CLASP2: variants seen among roughly 807,000 people sequenced by gnomAD.
The protein encoded by CLASP2 is cytoplasmic linker associated protein 2.
In CLASP2, 47 loss-of-function variants were observed where a neutral mutation model predicts 194.4. The observed-to-expected ratio is 0.24, with a 90% CI of 0.19 to 0.31. The LOEUF (loss-of-function observed/expected upper bound fraction) is 0.31, where lower values mean the gene tolerates loss of function less well. Ranked by LOEUF, CLASP2 falls within the 10% of genes least tolerant of loss-of-function variation. CLASP2 has a pLI of 1.00. For missense variants in CLASP2, 1,445 were observed against 1,823.6 expected (o/e 0.79, Z 3.78); for synonymous variants, 619 against 633.5 (o/e 0.98, Z 0.34).
chr3:33,677,418 G>A (rs374623933), intron 6 of CLASP2, among the ~76,000 whole-genome samples: 1 of 151,560 alleles, frequency 6.6e-6, no homozygotes, highest in South Asian at 2.1e-4. Flanking sequence ...CATGGATGAA[G>A]TTGGAAATCA....
chr3:33,623,930 A>G (rs2077541233), intron 10 of CLASP2, among the ~76,000 whole-genome samples: 2 of 152,314 alleles, frequency 1.3e-5, no homozygotes, highest in African/African-American at 4.8e-5. Flanking sequence ...GAACAGGGAA[A>G]AACAGAAAGC....
chr3:33,622,393 G>A, intron 10 of CLASP2, 113 bp from the exon 11 acceptor site: 2 of 701,956 alleles, frequency 2.8e-6, no homozygotes, highest in Non-Finnish European at 4.2e-6. Context: ...CATATATAAT[G>A]TTTCATTACA....
intron 37 of CLASP2, among the ~76,000 whole-genome samples, chr3:33,510,076 T>C (rs116830343): frequency 0.012 from 1,891 of 152,318 alleles, 14 homozygotes; most frequent in Middle Eastern, 0.044. Context: ...GAAATTCTAA[T>C]ACAAGCTACA....
chr3:33,644,842 G>A lies in CLASP2; in HGVS notation c.777C>T (p.Ala259=). ...ATGTTTTAGGTGCAGGAACCTTGAA[G>A]GCTGATGCAGCTGATGATGGCCTAT... is the stretch of plus-strand genomic sequence containing the variant. ...DGNRPSSAAS[A]FKVPAPKTSG... The change falls in exon 8 of 39, where the codon GCC becomes GCT. Residue 259 remains alanine (A), a synonymous_variant. Coordinates refer to ENST00000682230, the MANE Select transcript of CLASP2 (RefSeq NM_001365631.1). 4 of 1,611,256 alleles carry A rather than the reference G, an allele frequency of 2.5e-6. No homozygotes were observed. Among genetic ancestry groups the A allele is most frequent in the Non-Finnish European group, 3.4e-6 (4 of 1,178,612 alleles).
At chr3:33,507,185 C>T (rs1469253592) in intron 37 of CLASP2, among the ~76,000 whole-genome samples, 1 of 152,174 alleles carries the variant, frequency 6.6e-6, no homozygotes, top group Non-Finnish European at 1.5e-5. Context: ...GATTTGCCTG[C>T]CTCAGCTTCC....
At chr3:33,709,543 G>C (rs998175064) in intron 1 of CLASP2, among the ~76,000 whole-genome samples, 1 of 152,126 alleles carries the variant, frequency 6.6e-6, no homozygotes, top group African/African-American at 2.4e-5. Context: ...GAACAGGTCA[G>C]ATGAAGAGAT....
At chr3:33,674,648 C>G (rs1243807550) in intron 6 of CLASP2, among the ~76,000 whole-genome samples, 2 of 152,040 alleles carry the variant, frequency 1.3e-5, no homozygotes, top group Non-Finnish European at 2.9e-5. Context: ...AATCCAGGAG[C>G]TGGTTTTTTG....
At chr3:33,672,492 G>A (rs1052541962) in intron 6 of CLASP2, among the ~76,000 whole-genome samples, 1 of 152,056 alleles carries the variant, frequency 6.6e-6, no homozygotes, top group African/African-American at 2.4e-5. Flanking sequence ...ACAAAGATGG[G>A]GAAAAAACAG....
At chr3:33,666,135 C>A (rs1335855580) in intron 6 of CLASP2, among the ~76,000 whole-genome samples, 1 of 152,048 alleles carries the variant, frequency 6.6e-6, no homozygotes, top group African/African-American at 2.4e-5. Flanking sequence ...ATAGTAAATC[C>A]CAAGTATAAC....
intron 7 of CLASP2, among the ~76,000 whole-genome samples, chr3:33,660,499 C>A (rs560210858): frequency 6.6e-6 from 1 of 152,092 alleles, no homozygotes; most frequent in African/African-American, 2.4e-5. Context: ...ACAACAAATC[C>A]TTTGGTTTCT....
At chr3:33,640,723 C>A (rs1057072749) in intron 8 of CLASP2, among the ~76,000 whole-genome samples, 2 of 151,902 alleles carry the variant, frequency 1.3e-5, no homozygotes, top group African/African-American at 4.8e-5. Context: ...AAAAGAGTAG[C>A]AGCCAAAATG....
chr3:33,573,540 A>G, intron 24 of CLASP2, 186 bp from the exon 25 acceptor site: 1 of 682,120 alleles, frequency 1.5e-6, no homozygotes, highest in Middle Eastern at 3.9e-4. Flanking sequence ...AAGTTAGTAG[A>G]AGGTAAAATA....
At chr3:33,671,425 G>C (rs1468316432) in intron 6 of CLASP2, among the ~76,000 whole-genome samples, 1 of 152,204 alleles carries the variant, frequency 6.6e-6, no homozygotes, top group Non-Finnish European at 1.5e-5. Context: ...GGAATTACCA[G>C]ACCAGGAATT....
In CLASP2 at chr3:33,543,550, G is replaced by C. The variant is rs778791777; in HGVS notation, c.3298-11C>G. ...ACTCCCCATGGAACTCTGATGAAGG[G>C]AGTCAAAGAAATATTAACATATTAC... On this transcript the variant is annotated splice_polypyrimidine_tract_variant and intron_variant, in intron 31 of 38. Transcript: ENST00000682230. 6.5e-7 allele frequency: 1 copy of C among 1,527,618 alleles called. No homozygotes were observed. Among genetic ancestry groups the C allele is most frequent in the East Asian group, 2.2e-5 (1 of 44,456 alleles). 94.6% of individuals were successfully genotyped at this position (1,527,618 alleles called of 1,614,324 possible).
rs188882677 is a variant in CLASP2 at position 33,709,866 on chromosome 3, T to C, written c.195+7942A>G. 4.6e-5 allele frequency among the ~76,000 whole-genome samples: 7 copies of C among 152,342 alleles called. No individual in the cohort carries two copies. The East Asian group carries it at 1.2e-3, about 25-fold the overall frequency. On this transcript the variant is annotated intron_variant, in intron 1 of 38. Coordinates refer to ENST00000682230, the MANE Select transcript of CLASP2 (RefSeq NM_001365631.1). The stretch of plus-strand genomic sequence containing the variant: ...CCTAATTTTTCTTAAAATAACTTAC[T>C]AAAAGATTTAGAAATGTGAACCCTG...
intron 7 of CLASP2, among the ~76,000 whole-genome samples, chr3:33,653,023 T>C (rs1385477377): frequency 6.6e-6 from 1 of 152,154 alleles, no homozygotes; most frequent in Non-Finnish European, 1.5e-5. Context: ...TTGACTTCTT[T>C]CCAAACCACA....
At chr3:33,671,806 G>A (rs922458464) in intron 6 of CLASP2, among the ~76,000 whole-genome samples, 5 of 151,736 alleles carry the variant, frequency 3.3e-5, no homozygotes, top group African/African-American at 4.8e-5. Context: ...CACCTGGCTC[G>A]GAGGGTCCTA....
chr3:33,696,353 C>CTTTTTTTTTTTTTT (rs962854814), intron 2 of CLASP2, among the ~76,000 whole-genome samples: 2 of 52,726 alleles, frequency 3.8e-5, no homozygotes, highest in Non-Finnish European at 6.6e-5. Context: ...TTCTTTCTTT[C>CTTTTTTTTTTTTTT]TTTTTTTTTT....
In CLASP2 at chr3:33,570,585, G is replaced by A. The variant is rs979437536; in HGVS notation, c.2763+142C>T. 3.8e-6 allele frequency: 4 copies of A among 1,044,870 alleles called. No individual in the cohort carries two copies. The African/African-American group carries it at 6.5e-5, about 17-fold the overall frequency. The allele number at this position is 1,044,870 out of a possible 1,614,324, so 64.7% of individuals were successfully genotyped here. On this transcript the variant is annotated intron_variant, in intron 26 of 38. Transcript: ENST00000682230. Reference sequence around the variant, plus strand: ...AGAGATTAATTTCTAAATTACGTATGATACCAAACAATTTTAATTATGCTT... The same window carrying A: ...AGAGATTAATTTCTAAATTACGTATAATACCAAACAATTTTAATTATGCTT...
Sources: gnomAD v4.1 joint callset for allele counts (sites outside exome capture counted in the v4.1 genomes callset) on GRCh38, gnomAD v4.1.1 for gene constraint, MANE v1.5 for transcripts, NCBI Gene and HGNC (gene_info 2026-07-23, HGNC 2026-07-21) for gene names.